The following OCM variants were observed in gnomAD, a reference collection of about 807,000 sequenced individuals.
The protein encoded by OCM is oncomodulin-1.
A neutral mutation model predicts 14.1 loss-of-function variants in OCM; 18 were observed. The ratio of observed to expected loss-of-function variants is 1.28; its 90% CI spans 0.88 to 1.89. The LOEUF (loss-of-function observed/expected upper bound fraction) is 1.89. Ranked by LOEUF, OCM falls within the 40% of genes most tolerant of loss-of-function variation. The pLI is 0.00. For synonymous variants in OCM, 48 were observed against 51.0 expected, an observed-to-expected ratio of 0.94 and a Z score of 0.25; for missense variants, 140 against 137.6, an observed-to-expected ratio of 1.02 and a Z score of -0.09.
upstream of OCM, chr7:5,880,712 TC>T: frequency 1.8e-6 from 1 of 561,228 alleles, no homozygotes; most frequent in South Asian, 2.5e-5. Context: ...TGAGCCGAGA[TC>T]ACGCTCTTGC....
upstream of OCM, among the ~76,000 whole-genome samples, chr7:5,880,477 G>T (rs1246060794): frequency 1.3e-5 from 2 of 152,058 alleles, no homozygotes; most frequent in East Asian, 3.9e-4. Flanking sequence ...ATTCTAGACA[G>T]GCCTGGCTCG....
At chr7:5,880,542 T>C (rs1463603810), upstream of OCM, among the ~76,000 whole-genome samples, 1 of 152,060 alleles carries the variant, frequency 6.6e-6, no homozygotes, top group Non-Finnish European at 1.5e-5. Context: ...GCAGATCACC[T>C]GAGGTCAGGA....
At chr7:5,875,268 A>G (rs1393628052), upstream of OCM, among the ~76,000 whole-genome samples, 1 of 151,776 alleles carries the variant, frequency 6.6e-6, no homozygotes, top group African/African-American at 2.4e-5. Context: ...CGTTGGCCAG[A>G]CTGGTCTCGA....
chr7:5,883,776 G>C, intron 2 of OCM, 114 bp from the exon 3 acceptor site: 2 of 1,270,214 alleles, frequency 1.6e-6, no homozygotes, highest in Admixed American at 2.1e-5. Flanking sequence ...TAAGACCTTG[G>C]TTAATTATTG....
chr7:5,863,444 G>A, the OCM span, among the ~76,000 whole-genome samples: 3 of 152,076 alleles, frequency 2.0e-5, no homozygotes, highest in African/African-American at 4.8e-5. Context: ...GAGGGAGTAC[G>A]TGGAGTGACG....
the OCM span, among the ~76,000 whole-genome samples, chr7:5,867,174 C>T: frequency 6.6e-6 from 1 of 152,168 alleles, no homozygotes; most frequent in Non-Finnish European, 1.5e-5. Flanking sequence ...TCCTTGCCTT[C>T]TGGCCTGCAT....
the OCM span, among the ~76,000 whole-genome samples, chr7:5,874,823 G>T: frequency 5.3e-5 from 8 of 151,908 alleles, no homozygotes; most frequent in African/African-American, 1.9e-4. Flanking sequence ...ACCCTTTAAA[G>T]TTCAGTGGCA....
chr7:5,883,078 G>C (rs1181020296), intron 2 of OCM, among the ~76,000 whole-genome samples: 1 of 152,130 alleles, frequency 6.6e-6, no homozygotes, highest in Non-Finnish European at 1.5e-5. Context: ...CTGACTTCAA[G>C]TGATCCTCCT....
At position 5,882,472 on chromosome 7, in the gene OCM, A is replaced by G. The variant is rs754784750; in HGVS notation, c.62-21A>G. ...AATGTGATCCAACAAGCGTCAGAAT[A>G]ACCAATTCTCTGTTCTTCAGACCCA... On this transcript the variant is annotated intron_variant, in intron 1 of 3. Coordinates refer to ENST00000242104, the MANE Select transcript of OCM (RefSeq NM_001097622.2). 22 of 1,611,872 alleles carry G rather than the reference A, an allele frequency of 1.4e-5. No individual in the cohort carries two copies. In the African/African-American group the frequency reaches 1.6e-4, roughly 12 times the overall value.
the OCM span, among the ~76,000 whole-genome samples, chr7:5,862,128 G>C: frequency 6.6e-6 from 1 of 152,004 alleles, no homozygotes; most frequent in African/African-American, 2.4e-5. Context: ...GTGCTCGTTT[G>C]CCATCCATAC....
intron 1 of OCM, 127 bp downstream of exon 1, chr7:5,881,077 G>T: frequency 1.1e-6 from 1 of 873,326 alleles, no homozygotes; most frequent in East Asian, 2.6e-5. Flanking sequence ...CCAGCACTTT[G>T]GGAGGCCGAG....
At chr7:5,861,876 G>T in the OCM span, among the ~76,000 whole-genome samples, 1 of 151,830 alleles carries the variant, frequency 6.6e-6, no homozygotes, top group South Asian at 2.1e-4. Flanking sequence ...ACCACACTCG[G>T]CCTACTTTTT....
At chr7:5,874,369 GATATAC>G in the OCM span, among the ~76,000 whole-genome samples, 5 of 150,816 alleles carry the variant, frequency 3.3e-5, no homozygotes, top group Non-Finnish European at 7.4e-5. Flanking sequence ...ACATATACAT[GATATAC>G]ATATACATTA....
chr7:5,870,073 G>A, the OCM span, among the ~76,000 whole-genome samples: 2 of 151,884 alleles, frequency 1.3e-5, no homozygotes, highest in Non-Finnish European at 2.9e-5. Flanking sequence ...CAGAGGAGTA[G>A]GCTGACATTT....
At chr7:5,865,993 T>A in the OCM span, among the ~76,000 whole-genome samples, 2 of 152,106 alleles carry the variant, frequency 1.3e-5, no homozygotes, top group Admixed American at 1.3e-4. Context: ...GTTTAAGGGC[T>A]ATTCATGAAT....
the OCM span, among the ~76,000 whole-genome samples, chr7:5,867,214 G>A: frequency 2.0e-5 from 3 of 151,924 alleles, no homozygotes; most frequent in South Asian, 2.1e-4. Context: ...GATGTCACTC[G>A]GTGCAGTGGC....
At chr7:5,867,524 G>A in the OCM span, among the ~76,000 whole-genome samples, 1 of 151,808 alleles carries the variant, frequency 6.6e-6, no homozygotes, top group Non-Finnish European at 1.5e-5. Flanking sequence ...AGCTTCTTGA[G>A]CCTGCTTTCA....
At chr7:5,873,506 TTTAG>T in the OCM span, among the ~76,000 whole-genome samples, 1 of 152,048 alleles carries the variant, frequency 6.6e-6, no homozygotes, top group African/African-American at 2.4e-5. Flanking sequence ...TGGATAATTA[TTTAG>T]TTATTTTCAT....
At chr7:5,884,512 C>CATTTATT (rs1781293536) in intron 3 of OCM, among the ~76,000 whole-genome samples, 1 of 152,158 alleles carries the variant, frequency 6.6e-6, no homozygotes. Flanking sequence ...AAGCCAACCT[C>CATTTATT]ATTTATTGAG....
Sources: gnomAD v4.1 joint callset for allele counts (sites outside exome capture counted in the v4.1 genomes callset) on GRCh38, gnomAD v4.1.1 for gene constraint, MANE v1.5 for transcripts, NCBI Gene and HGNC (gene_info 2026-07-23, HGNC 2026-07-21) for gene names.